ADAM12: variants seen among roughly 807,000 people sequenced by gnomAD.
The protein encoded by ADAM12 is disintegrin and metalloproteinase domain-containing protein 12.
In ADAM12, 70 loss-of-function variants were observed where a neutral mutation model predicts 106.4. The ratio of observed to expected loss-of-function variants is 0.66; its 90% CI spans 0.54 to 0.80. The LOEUF (loss-of-function observed/expected upper bound fraction) is 0.80, where lower values mean the gene tolerates loss of function less well. ADAM12 is among the 30% of genes least tolerant of loss of function. The probability of loss-of-function intolerance (pLI) is 0.00; values close to 1 mark genes in which losing one functional copy is unlikely to be tolerated. For missense variants in ADAM12, 1,010 were observed against 1,171.9 expected (o/e 0.86, Z 2.02); for synonymous variants, 420 against 433.5 (o/e 0.97, Z 0.39).
At chr10:126,351,760 T>C (rs1180913587) in intron 1 of ADAM12, among the ~76,000 whole-genome samples, 1 of 152,004 alleles carries the variant, frequency 6.6e-6, no homozygotes, top group East Asian at 1.9e-4. Context: ...CCTTCAACTG[T>C]GCATTGCTCT....
intron 1 of ADAM12, among the ~76,000 whole-genome samples, chr10:126,375,190 G>A (rs924600269): frequency 1.4e-5 from 2 of 147,744 alleles, no homozygotes; most frequent in African/African-American, 5.0e-5. Flanking sequence ...CTTCAATGAA[G>A]ACTACTTCAA....
intron 1 of ADAM12, among the ~76,000 whole-genome samples, chr10:126,330,813 T>C (rs1446100333): frequency 6.6e-6 from 1 of 152,208 alleles, no homozygotes; most frequent in Non-Finnish European, 1.5e-5. Flanking sequence ...GCAACAAAAA[T>C]GCAAAAGTGA....
rs185311974 is a variant in ADAM12, at chr10:126,267,596, C to T, written c.260+11319G>A. ...TCATTCTCCTATGAGAATCTAATGC[C>T]GCCACTGATCTGACAGGGGGCGGAG... On this transcript the variant is annotated intron_variant, in intron 3 of 22. Transcript: ENST00000448723. Among the ~76,000 whole-genome samples, 821 of 152,146 alleles carry T rather than the reference C, an allele frequency of 5.4e-3. 10 individuals carry two copies. The highest frequency in any genetic ancestry group is 0.019 in the African/African-American group (784 of 41,506).
intron 21 of ADAM12, 69 bp from the exon 22 acceptor site, chr10:126,019,894 C>CTG: frequency 6.6e-7 from 1 of 1,504,316 alleles, no homozygotes; most frequent in Non-Finnish European, 8.9e-7. Context: ...GAAGCAGGGC[C>CTG]TGCCGCTTGG....
At chr10:126,338,949 A>C (rs1854818851) in intron 1 of ADAM12, among the ~76,000 whole-genome samples, 1 of 152,176 alleles carries the variant, frequency 6.6e-6, no homozygotes, top group African/African-American at 2.4e-5. Context: ...ATCTACACTA[A>C]AGCCCCAGCT....
Position 126,274,274 on chromosome 10 carries a change from C to T in ADAM12, c.260+4641G>A, listed in dbSNP as rs74158203. Among the ~76,000 whole-genome samples, 815 of 152,200 alleles carry T rather than the reference C, an allele frequency of 5.4e-3. 10 individuals carry two copies. The highest frequency in any genetic ancestry group is 0.019 in the African/African-American group (778 of 41,528). ...CTCTCTGATGTCAGGCTTGCAACGGCGAAGGATGCAGGGTTTTGGCTGTGC... is the reference window on the plus strand; with the variant it reads ...CTCTCTGATGTCAGGCTTGCAACGGTGAAGGATGCAGGGTTTTGGCTGTGC... On this transcript the variant is annotated intron_variant, in intron 3 of 22. Transcript: ENST00000448723.
chr10:126,314,170 C>T (rs1017231143), intron 2 of ADAM12, among the ~76,000 whole-genome samples: 1 of 152,216 alleles, frequency 6.6e-6, no homozygotes, highest in South Asian at 2.1e-4. Context: ...GCAGGAGTAG[C>T]GTGGTCTGAG....
Position 126,071,603 on chromosome 10 carries a change from G to A in ADAM12, c.1197C>T (p.Thr399=), listed in dbSNP as rs1954993348. The stretch of plus-strand genomic sequence containing the variant: ...ACACCCCCATTCCTTTCTCCAGGCT[G>A]GTCTCCAAGTCCTTCCTGCTGCAAC... ...FSSCSRKDLE[T]SLEKGMGVCL... The change falls in exon 12 of 23, where the codon ACC becomes ACT. Residue 399 remains threonine, a synonymous_variant. Coordinates refer to ENST00000448723, the MANE Select transcript of ADAM12 (RefSeq NM_001288973.2). 2 of 1,614,122 alleles carry A rather than the reference G, an allele frequency of 1.2e-6. No homozygotes were observed. Among genetic ancestry groups the A allele is most frequent in the African/African-American group, 1.3e-5 (1 of 75,030 alleles).
intron 3 of ADAM12, among the ~76,000 whole-genome samples, chr10:126,243,604 C>T (rs1260577362): frequency 6.6e-6 from 1 of 152,060 alleles, no homozygotes; most frequent in African/African-American, 2.4e-5. Flanking sequence ...ATGTGTTTTT[C>T]ACTTTCAGGG....
chr10:126,204,982 T>C (rs899150637), intron 3 of ADAM12, among the ~76,000 whole-genome samples: 5 of 152,190 alleles, frequency 3.3e-5, no homozygotes, highest in African/African-American at 7.2e-5. Context: ...CCAGGGTGGA[T>C]TGGCTCGGGG....
At chr10:126,313,855 G>A (rs1961226351) in intron 2 of ADAM12, among the ~76,000 whole-genome samples, 1 of 152,128 alleles carries the variant, frequency 6.6e-6, no homozygotes, top group South Asian at 2.1e-4. Context: ...AAATGGTGAG[G>A]CAGAGCGTGG....
At chr10:126,173,854 C>T (rs1480153282) in intron 3 of ADAM12, among the ~76,000 whole-genome samples, 3 of 151,818 alleles carry the variant, frequency 2.0e-5, no homozygotes, top group Non-Finnish European at 2.9e-5. Flanking sequence ...GAGTCAGCAT[C>T]GCAGGGGTCT....
intron 12 of ADAM12, among the ~76,000 whole-genome samples, chr10:126,068,446 C>A (rs538183713): frequency 6.6e-6 from 1 of 152,278 alleles, no homozygotes; most frequent in South Asian, 2.1e-4. Context: ...TGCAGCCATG[C>A]CAAATGGCTC....
intron 14 of ADAM12, among the ~76,000 whole-genome samples, chr10:126,050,810 AGT>A (rs1236013237): frequency 6.6e-6 from 1 of 152,218 alleles, no homozygotes; most frequent in Non-Finnish European, 1.5e-5. Flanking sequence ...TGATGTGAAC[AGT>A]GTGCTCAGCG....
At chr10:126,111,950 GA>G (rs774087555) in intron 6 of ADAM12, among the ~76,000 whole-genome samples, 1 of 152,158 alleles carries the variant, frequency 6.6e-6, no homozygotes, top group Non-Finnish European at 1.5e-5. Context: ...TTGTGATATG[GA>G]GAGCAACATT....
chr10:126,290,150 C>G (rs1960081465), intron 2 of ADAM12, among the ~76,000 whole-genome samples: 1 of 152,154 alleles, frequency 6.6e-6, no homozygotes, highest in Admixed American at 6.5e-5. Context: ...AGCCAAGGAA[C>G]CTGGTGTCTC....
chr10:126,033,924 G>A (rs1200410500), intron 21 of ADAM12, among the ~76,000 whole-genome samples: 1 of 152,166 alleles, frequency 6.6e-6, no homozygotes, highest in East Asian at 1.9e-4. Context: ...AAGAGAATTT[G>A]TCACCTACAG....
At chr10:126,130,460 G>A (rs547452358) in intron 5 of ADAM12, among the ~76,000 whole-genome samples, 1 of 152,186 alleles carries the variant, frequency 6.6e-6, no homozygotes, top group African/African-American at 2.4e-5. Flanking sequence ...ATTCCCTCTT[G>A]GTGGCTGACA....
At chr10:126,217,778 C>T (rs1281587600) in intron 3 of ADAM12, among the ~76,000 whole-genome samples, 2 of 151,296 alleles carry the variant, frequency 1.3e-5, no homozygotes, top group Non-Finnish European at 2.9e-5. Flanking sequence ...TCGAGACCAG[C>T]CTGGCCAACA....
Sources: allele counts gnomAD v4.1 joint callset (sites outside exome capture counted in the v4.1 genomes callset), GRCh38; gene constraint gnomAD v4.1.1; transcripts MANE v1.5; gene names NCBI Gene and HGNC (gene_info 2026-07-23, HGNC 2026-07-21).